Variants in PTPRD observed in about 807,000 individuals in gnomAD.
The protein encoded by PTPRD is protein tyrosine phosphatase receptor type D.
Under a neutral mutation model 214.5 loss-of-function variants are expected in PTPRD, and 34 were observed. The ratio of observed to expected loss-of-function variants is 0.16; its 90% confidence interval spans 0.12 to 0.21. PTPRD has a LOEUF of 0.21. PTPRD is among the 10% of genes least tolerant of loss of function. PTPRD has a pLI of 1.00. For synonymous variants in PTPRD, 1,128 were observed against 845.7 expected, an observed-to-expected ratio of 1.33 and a Z score of -5.79; for missense variants, 2,545 against 2,398.7, an observed-to-expected ratio of 1.06 and a Z score of -1.27.
rs192380792 is a variant in PTPRD at position 9,689,851 on chromosome 9, G to A, written c.-287+44682C>T. On this transcript the variant is annotated intron_variant, in intron 7 of 45. Coordinates refer to ENST00000381196, the MANE Select transcript of PTPRD (RefSeq NM_002839.4). Reference sequence around the variant, plus strand: ...TAATGGCTGAATACCATTTCATTATGTATGTACACATTTTCGTTATCCATT... The same window carrying A: ...TAATGGCTGAATACCATTTCATTATATATGTACACATTTTCGTTATCCATT... 3.3e-5 allele frequency among the ~76,000 whole-genome samples: 5 copies of A among 151,900 alleles called. No individual in the cohort carries two copies. In the East Asian group the frequency reaches 9.7e-4, roughly 29 times the overall value.
chr9:10,106,013 CAAAAAAAAAAAAA>C (rs35421883), intron 3 of PTPRD, among the ~76,000 whole-genome samples: 5 of 56,672 alleles, frequency 8.8e-5, no homozygotes, highest in East Asian at 5.6e-4. Context: ...ATCACATATT[CAAAAAAAAAAAAA>C]AAAAAAAAAA....
intron 39 of PTPRD, among the ~76,000 whole-genome samples, chr9:8,346,133 A>C (rs1340104671): frequency 6.6e-6 from 1 of 152,048 alleles, no homozygotes; most frequent in Non-Finnish European, 1.5e-5. Context: ...TCAGGTTTAA[A>C]ACTGAAAAAT....
chr9:8,641,120 T>C (rs2096567589), intron 12 of PTPRD, among the ~76,000 whole-genome samples: 1 of 148,404 alleles, frequency 6.7e-6, no homozygotes, highest in Admixed American at 6.6e-5. Flanking sequence ...CTGCCTTATT[T>C]TGTCATAGAT....
At chr9:8,749,457 G>C (rs567462563) in intron 11 of PTPRD, among the ~76,000 whole-genome samples, 3 of 152,234 alleles carry the variant, frequency 2.0e-5, no homozygotes, top group African/African-American at 4.8e-5. Flanking sequence ...CAAAGTGCTG[G>C]GATTACAGGC....
intron 7 of PTPRD, among the ~76,000 whole-genome samples, chr9:9,690,094 T>C (rs1312553230): frequency 6.6e-6 from 1 of 151,968 alleles, no homozygotes; most frequent in African/African-American, 2.4e-5. Flanking sequence ...CTGTACTAAT[T>C]TATACTCCTT....
chr9:10,445,210 G>C (rs567249476), intron 2 of PTPRD, among the ~76,000 whole-genome samples: 1 of 152,164 alleles, frequency 6.6e-6, no homozygotes, highest in Admixed American at 6.6e-5. Context: ...AAAGTGGTAT[G>C]AGCTAAGCCC....
chr9:8,643,584 C>T (rs1432415644), intron 12 of PTPRD, among the ~76,000 whole-genome samples: 2 of 152,164 alleles, frequency 1.3e-5, no homozygotes, highest in African/African-American at 4.8e-5. Flanking sequence ...AATAGGGGAC[C>T]CACCACCACC....
At chr9:10,346,275 T>A (rs1182967716) in intron 2 of PTPRD, among the ~76,000 whole-genome samples, 6 of 152,154 alleles carry the variant, frequency 3.9e-5, no homozygotes, top group Non-Finnish European at 1.5e-5. Flanking sequence ...AAAATATATG[T>A]CTTATTGACC....
At chr9:8,670,590 T>C (rs963156653) in intron 12 of PTPRD, among the ~76,000 whole-genome samples, 4 of 152,228 alleles carry the variant, frequency 2.6e-5, no homozygotes, top group Non-Finnish European at 5.9e-5. Context: ...TATCTATAAG[T>C]ATCCCATACT....
At position 10,028,523 on chromosome 9, in the gene PTPRD, T is replaced by G. The variant is rs143184846; in HGVS notation, c.-472+5195A>C. 3.6e-3 allele frequency among the ~76,000 whole-genome samples: 555 copies of G among 152,282 alleles called. 1 individual carries two copies. The highest frequency in any genetic ancestry group is 5.1e-3 in the Non-Finnish European group (345 of 68,020). The stretch of plus-strand genomic sequence containing the variant: ...TGCATGGCTTTGACCAAAATGCTGA[T>G]AATGATATGGATAATGAAATCCAGA... On this transcript the variant is annotated intron_variant, in intron 4 of 45. Coordinates refer to ENST00000381196, the MANE Select transcript of PTPRD (RefSeq NM_002839.4).
intron 14 of PTPRD, among the ~76,000 whole-genome samples, chr9:8,542,818 C>A (rs1014140452): frequency 6.6e-6 from 1 of 152,222 alleles, no homozygotes; most frequent in Non-Finnish European, 1.5e-5. Context: ...GCTCAGCATC[C>A]TCACTACAGA....
At chr9:10,247,540 T>C (rs1469720791) in intron 3 of PTPRD, among the ~76,000 whole-genome samples, 5 of 152,222 alleles carry the variant, frequency 3.3e-5, no homozygotes, top group African/African-American at 9.6e-5. Flanking sequence ...CAACACTTTA[T>C]AAATTCAGCG....
At chr9:9,325,000 G>T (rs1041970140) in intron 9 of PTPRD, among the ~76,000 whole-genome samples, 1 of 152,154 alleles carries the variant, frequency 6.6e-6, no homozygotes, top group Non-Finnish European at 1.5e-5. Flanking sequence ...TCAGATGGTT[G>T]TAGATGTGTG....
intron 11 of PTPRD, among the ~76,000 whole-genome samples, chr9:8,808,631 G>C (rs1297658568): frequency 1.3e-5 from 2 of 151,890 alleles, no homozygotes; most frequent in African/African-American, 4.8e-5. Context: ...TAAAGCAGTA[G>C]ACTCAATACA....
At chr9:8,827,415 T>C (rs542663650) in intron 11 of PTPRD, among the ~76,000 whole-genome samples, 1 of 152,298 alleles carries the variant, frequency 6.6e-6, no homozygotes, top group Admixed American at 6.5e-5. Flanking sequence ...AAAACCAGCC[T>C]GGGCAACATG....
chr9:8,532,962 T>C (rs948210984), intron 14 of PTPRD, among the ~76,000 whole-genome samples: 2 of 152,006 alleles, frequency 1.3e-5, no homozygotes, highest in Non-Finnish European at 2.9e-5. Flanking sequence ...GTAGAACTTA[T>C]TAACAACCCT....
intron 2 of PTPRD, among the ~76,000 whole-genome samples, chr9:10,558,299 G>A (rs182996775): frequency 2.0e-5 from 3 of 152,214 alleles, no homozygotes; most frequent in Admixed American, 2.0e-4. Context: ...CTTTGATATA[G>A]ATCATTTTAG....
At chr9:9,098,870 T>C (rs1473141180) in intron 10 of PTPRD, among the ~76,000 whole-genome samples, 1 of 152,188 alleles carries the variant, frequency 6.6e-6, no homozygotes, top group Non-Finnish European at 1.5e-5. Flanking sequence ...ATATTCACAG[T>C]GGTATTGTCT....
chr9:9,087,732 G>A (rs1187453947), intron 10 of PTPRD, among the ~76,000 whole-genome samples: 2 of 151,942 alleles, frequency 1.3e-5, no homozygotes, highest in Non-Finnish European at 2.9e-5. Context: ...TTTTTCCAAA[G>A]TTAAATTTTA....
Sources: allele counts gnomAD v4.1 joint callset (sites outside exome capture counted in the v4.1 genomes callset), GRCh38; gene constraint gnomAD v4.1.1; transcripts MANE v1.5; gene names NCBI Gene and HGNC (gene_info 2026-07-23, HGNC 2026-07-21).